CFAP299: variants seen among roughly 807,000 people sequenced by gnomAD.
CFAP299 encodes cilia- and flagella-associated protein 299.
In CFAP299, 21 loss-of-function variants were observed where a neutral mutation model predicts 27.0. That is an observed-to-expected ratio of 0.78 (90% CI 0.55 to 1.12). The LOEUF is 1.12. Ranked by LOEUF, CFAP299 falls within the 50% of genes most tolerant of loss-of-function variation. CFAP299 has a pLI of 0.00. For synonymous variants in CFAP299, 104 were observed against 98.1 expected, an observed-to-expected ratio of 1.06 and a Z score of -0.36; for missense variants, 310 against 276.6, an observed-to-expected ratio of 1.12 and a Z score of -0.86.
upstream of CFAP299, among the ~76,000 whole-genome samples, chr4:80,333,038 T>C (rs1290245389): frequency 6.6e-6 from 1 of 152,180 alleles, no homozygotes; most frequent in Non-Finnish European, 1.5e-5. Flanking sequence ...TGCAGACATC[T>C]GTCAACCCCA....
At chr4:80,641,927 T>C (rs770352496) in intron 3 of CFAP299, among the ~76,000 whole-genome samples, 1 of 152,182 alleles carries the variant, frequency 6.6e-6, no homozygotes, top group Non-Finnish European at 1.5e-5. Flanking sequence ...TGGGTAAAGA[T>C]AAATCTGTAA....
chr4:80,886,341 C>T (rs1194147647), intron 4 of CFAP299, among the ~76,000 whole-genome samples: 1 of 152,180 alleles, frequency 6.6e-6, no homozygotes, highest in Non-Finnish European at 1.5e-5. Context: ...CAGATCTAAC[C>T]CAGCACAGTT....
At chr4:80,684,350 G>C (rs1220082928) in intron 3 of CFAP299, among the ~76,000 whole-genome samples, 1 of 151,704 alleles carries the variant, frequency 6.6e-6, no homozygotes, top group African/African-American at 2.4e-5. Context: ...TGCAAGCTCC[G>C]CCTCCCAGGT....
At chr4:80,387,868 A>G (rs978129477) in intron 2 of CFAP299, 14 of 1,198,016 alleles carry the variant, frequency 1.2e-5, no homozygotes, top group Non-Finnish European at 7.5e-6. Context: ...GGTCTTCAGC[A>G]TTGGTGGAGA....
chr4:80,928,600 C>T (rs1437241844), intron 4 of CFAP299, among the ~76,000 whole-genome samples: 1 of 151,892 alleles, frequency 6.6e-6, no homozygotes, highest in Non-Finnish European at 1.5e-5. Flanking sequence ...TTTTCATAGT[C>T]GTAAAATTTG....
At chr4:80,586,084 A>G (rs1318268688) in intron 3 of CFAP299, among the ~76,000 whole-genome samples, 1 of 152,158 alleles carries the variant, frequency 6.6e-6, no homozygotes, top group African/African-American at 2.4e-5. Context: ...TTCCAGACTC[A>G]CTGCCTACCA....
At chr4:80,712,928 A>G (rs1007980792) in intron 3 of CFAP299, among the ~76,000 whole-genome samples, 5 of 152,078 alleles carry the variant, frequency 3.3e-5, no homozygotes, top group African/African-American at 7.2e-5. Context: ...GGAGTGCCCT[A>G]TTAGAACCCT....
intron 2 of CFAP299, among the ~76,000 whole-genome samples, chr4:80,399,625 G>A (rs548689600): frequency 3.3e-5 from 5 of 149,866 alleles, no homozygotes; most frequent in African/African-American, 1.2e-4. Flanking sequence ...CTCACTCATA[G>A]GTGGGAATTG....
At chr4:80,840,611 A>G (rs1730812324) in intron 3 of CFAP299, among the ~76,000 whole-genome samples, 1 of 152,042 alleles carries the variant, frequency 6.6e-6, no homozygotes, top group South Asian at 2.1e-4. Flanking sequence ...AGTTCTTTTT[A>G]TCTGCTTATT....
chr4:80,688,188 A>G (rs953589052), intron 3 of CFAP299, among the ~76,000 whole-genome samples: 1 of 152,232 alleles, frequency 6.6e-6, no homozygotes, highest in Non-Finnish European at 1.5e-5. Context: ...GGAACCCACC[A>G]CAGCTCAAGG....
At chr4:80,344,281 G>A (rs1487378802) in intron 1 of CFAP299, among the ~76,000 whole-genome samples, 1 of 151,642 alleles carries the variant, frequency 6.6e-6, no homozygotes, top group Non-Finnish European at 1.5e-5. Flanking sequence ...GAGAGAGAGA[G>A]AGAATCAAAT....
chr4:80,562,392 G>A (rs1455746403), intron 2 of CFAP299, among the ~76,000 whole-genome samples: 1 of 152,042 alleles, frequency 6.6e-6, no homozygotes, highest in East Asian at 1.9e-4. Flanking sequence ...GAGGTCAAGA[G>A]TTCGAGACTA....
chr4:80,936,818 A>G (rs1485813526), intron 4 of CFAP299, among the ~76,000 whole-genome samples: 1 of 152,158 alleles, frequency 6.6e-6, no homozygotes, highest in Non-Finnish European at 1.5e-5. Flanking sequence ...ATAAAACATG[A>G]TAAGATGAAA....
intron 3 of CFAP299, among the ~76,000 whole-genome samples, chr4:80,737,620 T>C (rs945818127): frequency 1.3e-5 from 2 of 152,176 alleles, no homozygotes; most frequent in African/African-American, 4.8e-5. Flanking sequence ...TTCTGTGATA[T>C]CAGTTGTAAT....
chr4:80,663,018 G>GAA (rs562687634), intron 3 of CFAP299, among the ~76,000 whole-genome samples: 1 of 140,396 alleles, frequency 7.1e-6, no homozygotes. Flanking sequence ...GCTGTTAAAG[G>GAA]AAAAAAAAAA....
intron 3 of CFAP299, among the ~76,000 whole-genome samples, chr4:80,843,346 C>A (rs1193210995): frequency 6.6e-6 from 1 of 151,410 alleles, no homozygotes; most frequent in African/African-American, 2.4e-5. Flanking sequence ...ATTTTTGTCC[C>A]TGCCATAGTT....
chr4:80,646,505 GT>G (rs1740016553), intron 3 of CFAP299, among the ~76,000 whole-genome samples: 3 of 152,216 alleles, frequency 2.0e-5, no homozygotes, highest in East Asian at 3.9e-4. Flanking sequence ...TCTGTTTCAT[GT>G]TTATAAATTC....
intron 3 of CFAP299, among the ~76,000 whole-genome samples, chr4:80,594,455 A>G (rs1294219703): frequency 1.3e-5 from 2 of 152,142 alleles, no homozygotes; most frequent in Non-Finnish European, 2.9e-5. Context: ...GGGGACACAA[A>G]GCCAAACCAT....
rs1725150586 is a variant in CFAP299, at chr4:80,388,506, G to C, written c.242+25622G>C. On this transcript the variant is annotated intron_variant, in intron 2 of 5. Coordinates refer to ENST00000358105, the MANE Select transcript of CFAP299 (RefSeq NM_152770.3). ...TTTCTTTGGCACTGTTCCCGCTTGT[G>C]GGTCATAAACACTGGCAGCGAGTTG... The C allele has an allele frequency of 2.8e-6, 4 of 1,413,344 alleles. No homozygotes were observed. In the South Asian group the frequency reaches 4.7e-5, roughly 17 times the overall value. The allele number at this position is 1,413,344 out of a possible 1,614,324, so 87.6% of individuals were successfully genotyped here.
Sources: gnomAD v4.1 joint callset for allele counts (sites outside exome capture counted in the v4.1 genomes callset) on GRCh38, gnomAD v4.1.1 for gene constraint, MANE v1.5 for transcripts, NCBI Gene and HGNC (gene_info 2026-07-23, HGNC 2026-07-21) for gene names.